TUB: variants seen among roughly 807,000 people sequenced by gnomAD.
The protein encoded by TUB is TUB bipartite transcription factor, also known as tubby protein homolog.
Under a neutral mutation model 59.7 loss-of-function variants are expected in TUB, and 33 were observed. The ratio of observed to expected loss-of-function variants is 0.55; its 90% CI spans 0.42 to 0.74. The LOEUF (loss-of-function observed/expected upper bound fraction) is 0.74, where lower values mean the gene tolerates loss of function less well. TUB is among the 30% of genes least tolerant of loss of function. The pLI is 0.00. For missense variants in TUB, 659 were observed against 672.0 expected, an observed-to-expected ratio of 0.98 and a Z score of 0.21; for synonymous variants, 293 against 256.4, an observed-to-expected ratio of 1.14 and a Z score of -1.36.
At chr11:8,089,695 G>C in intron 2 of TUB, 34 bp downstream of exon 2, 1 of 1,613,788 alleles carries the variant, frequency 6.2e-7, no homozygotes, top group African/African-American at 1.3e-5. Flanking sequence ...GAAGGGAAGA[G>C]TCTGGGCTGG....
At chr11:8,019,658 G>C (rs1589915494) in intron 1 of TUB, among the ~76,000 whole-genome samples, 1 of 152,190 alleles carries the variant, frequency 6.6e-6, no homozygotes, top group South Asian at 2.1e-4. Context: ...TCGCTCCGCC[G>C]GGGGACCCCG....
chr11:8,100,657 C>T (rs931447829), intron 10 of TUB, 56 bp downstream of exon 10: 18 of 1,568,870 alleles, frequency 1.1e-5, no homozygotes, highest in Non-Finnish European at 1.5e-5. Flanking sequence ...TCTGCATGAG[C>T]TTCTAAGGGC....
intron 2 of TUB, among the ~76,000 whole-genome samples, chr11:8,057,785 A>G (rs1943043233): frequency 6.6e-6 from 1 of 151,810 alleles, no homozygotes; most frequent in African/African-American, 2.4e-5. Flanking sequence ...TTATTTTGTC[A>G]TGCTTTAAGG....
chr11:8,079,121 C>G (rs1425346679), upstream of TUB, among the ~76,000 whole-genome samples: 9 of 152,136 alleles, frequency 5.9e-5, no homozygotes, highest in African/African-American at 1.2e-4. Flanking sequence ...GCTCCTGAGA[C>G]CTTCCAACTA....
rs1366799534 is a variant in TUB at position 8,105,127 on chromosome 11, C to A, written c.*3508C>A. 1 of 152,180 alleles carries A rather than the reference C, an allele frequency of 6.6e-6. No homozygotes were observed. Among genetic ancestry groups the A allele is most frequent in the Non-Finnish European group, 1.5e-5 (1 of 68,034 alleles). 9.4% of individuals were successfully genotyped at this position (152,180 alleles called of 1,614,324 possible). ...TTTCCATGGCTCTGTTATGCAAGCA[C>A]AAATTTCATCTCCTAGATGGACTTC... is the stretch of plus-strand genomic sequence containing the variant. On this transcript the variant is annotated 3_prime_UTR_variant, in exon 12 of 12. Transcript: ENST00000299506.
At chr11:8,039,379 A>T in intron 1 of TUB, 2 of 425,294 alleles carry the variant, frequency 4.7e-6, no homozygotes, top group Non-Finnish European at 8.2e-6. Flanking sequence ...CTGTCTCCCC[A>T]CCCCCCAGTG....
intron 1 of TUB, among the ~76,000 whole-genome samples, chr11:8,031,277 G>A (rs1942567106): frequency 6.6e-6 from 1 of 152,238 alleles, no homozygotes; most frequent in African/African-American, 2.4e-5. Flanking sequence ...GTAGGATTGG[G>A]AAGTGGAAGG....
chr11:8,037,043 G>T (rs1234987367), upstream of TUB, among the ~76,000 whole-genome samples: 1 of 152,184 alleles, frequency 6.6e-6, no homozygotes, highest in Non-Finnish European at 1.5e-5. Flanking sequence ...TGACTGGAGG[G>T]TCTCATTCCA....
At chr11:8,065,045 G>A (rs1042113927) in intron 2 of TUB, among the ~76,000 whole-genome samples, 1 of 152,220 alleles carries the variant, frequency 6.6e-6, no homozygotes, top group African/African-American at 2.4e-5. Context: ...CAGGGCCAAT[G>A]TATAATATAG....
intron 2 of TUB, chr11:8,039,721 G>A (rs1476399344): frequency 1.3e-6 from 2 of 1,495,622 alleles, no homozygotes; most frequent in South Asian, 1.4e-5. Flanking sequence ...GGGCGTGCCG[G>A]CCCTGGGAAA....
At chr11:8,055,372 C>G (rs1268670271) in intron 2 of TUB, among the ~76,000 whole-genome samples, 1 of 152,196 alleles carries the variant, frequency 6.6e-6, no homozygotes. Flanking sequence ...GGGGTGTACC[C>G]CTGAGATGGC....
At chr11:8,059,737 A>G (rs943323281) in intron 2 of TUB, among the ~76,000 whole-genome samples, 10 of 152,156 alleles carry the variant, frequency 6.6e-5, no homozygotes, top group Non-Finnish European at 2.9e-5. Flanking sequence ...CGTAAGCCTC[A>G]TGGAAGAGCT....
intron 1 of TUB, among the ~76,000 whole-genome samples, chr11:8,031,188 G>A (rs780357497): frequency 3.3e-5 from 5 of 152,224 alleles, no homozygotes; most frequent in African/African-American, 1.2e-4. Context: ...AAGCAGGTAT[G>A]TATGGTGGAA....
chr11:8,091,137 T>C (rs1358098704), intron 3 of TUB, among the ~76,000 whole-genome samples: 1 of 152,202 alleles, frequency 6.6e-6, no homozygotes, highest in African/African-American at 2.4e-5. Flanking sequence ...GGTAGTTGCC[T>C]CACCTCAGGG....
At chr11:8,089,935 T>C (rs1318166494) in intron 2 of TUB, 134 bp from the exon 3 acceptor site, 1 of 1,350,644 alleles carries the variant, frequency 7.4e-7, no homozygotes, top group Non-Finnish European at 9.9e-7. Flanking sequence ...TTTGCCTCCC[T>C]TTCCTGGACC....
At chr11:8,069,770 TC>T (rs1188410004) in intron 2 of TUB, among the ~76,000 whole-genome samples, 1 of 152,186 alleles carries the variant, frequency 6.6e-6, no homozygotes, top group African/African-American at 2.4e-5. Flanking sequence ...GAGTAGCTTA[TC>T]CCAGTCTGCC....
intron 2 of TUB, among the ~76,000 whole-genome samples, chr11:8,052,992 T>C (rs1942956568): frequency 6.6e-6 from 1 of 152,204 alleles, no homozygotes; most frequent in Non-Finnish European, 1.5e-5. Flanking sequence ...AAAAATAAAT[T>C]ATTGCATTGG....
At position 8,097,794 on chromosome 11, in the gene TUB, T is replaced by G. The variant is rs1208412463; in HGVS notation, c.966T>G (p.Ser322=). The G allele has an allele frequency of 6.2e-7, 1 of 1,613,848 alleles. No individual in the cohort carries two copies. Among genetic ancestry groups the G allele is most frequent in the East Asian group, 2.2e-5 (1 of 44,860 alleles). Residue 322 remains serine (S), a synonymous_variant, in exon 8 of 12, where the codon TCT becomes TCG. Transcript: ENST00000299506. ...YLISVDPTDL[S]RGGDSYIGKL... ...TCTCTGTGGACCCAACAGACTTGTC[T>G]CGAGGAGGGGACAGCTATATCGGGA...
At chr11:8,074,096 G>GT (rs112714039) in intron 2 of TUB, among the ~76,000 whole-genome samples, 8,109 of 149,680 alleles carry the variant, frequency 0.054, 260 homozygotes, top group Non-Finnish European at 0.064. Flanking sequence ...GGTTTTTGTG[G>GT]TTTTTTTTTT....
Sources: gnomAD v4.1 joint callset for allele counts (sites outside exome capture counted in the v4.1 genomes callset) on GRCh38, gnomAD v4.1.1 for gene constraint, MANE v1.5 for transcripts, NCBI Gene and HGNC (gene_info 2026-07-23, HGNC 2026-07-21) for gene names.